ATP12A: variants seen among roughly 807,000 people sequenced by gnomAD.
ATP12A encodes the protein potassium-transporting ATPase alpha chain 2.
A neutral mutation model predicts 111.2 loss-of-function variants in ATP12A; 81 were observed. The ratio of observed to expected loss-of-function variants is 0.73; its 90% CI spans 0.61 to 0.88. The LOEUF (loss-of-function observed/expected upper bound fraction) is 0.88. Among genes scored for constraint, ATP12A ranks in the 40% least tolerant of loss-of-function variants. The pLI is 0.00. For synonymous variants in ATP12A, 498 were observed against 499.8 expected (o/e 1.00, Z 0.05); for missense variants, 1,196 against 1,313.1 (o/e 0.91, Z 1.38).
At chr13:24,698,532 A>G (rs1248251465) in intron 11 of ATP12A, 126 bp from the exon 12 acceptor site, 2 of 1,106,232 alleles carry the variant, frequency 1.8e-6, no homozygotes, top group Admixed American at 2.7e-5. Flanking sequence ...CCACAGAAAG[A>G]AAAAGGGCGG....
chr13:24,683,706 A>C (rs1874566250), intron 2 of ATP12A, among the ~76,000 whole-genome samples: 2 of 152,226 alleles, frequency 1.3e-5, no homozygotes, highest in South Asian at 4.1e-4. Flanking sequence ...TGAAAAACAT[A>C]AGATTTTTTT....
Position 24,691,084 on chromosome 13 carries a change from T to A in ATP12A, c.902T>A (p.Ile301Asn), listed in dbSNP as rs777746003. ...GVGNEKTPIA[I>N]EIEHFVHIVA... ...GGAAATGAGAAGACGCCCATTGCCA[T>A]TGAGATCGAGCACTTTGTTCACATT... Residue 301 changes from isoleucine to asparagine, a missense_variant, in exon 8 of 23, where the codon ATT becomes AAT. Coordinates refer to ENST00000381946, the MANE Select transcript of ATP12A (RefSeq NM_001676.7). The A allele has an allele frequency of 6.2e-7, 1 of 1,614,244 alleles. No homozygotes were observed. The highest frequency in any genetic ancestry group is 8.5e-7 in the Non-Finnish European group (1 of 1,180,048).
intron 2 of ATP12A, among the ~76,000 whole-genome samples, chr13:24,683,586 C>A (rs77775634): frequency 0.19 from 28,111 of 150,982 alleles, 3,259 homozygotes; most frequent in African/African-American, 0.33. Context: ...TAACAGTATA[C>A]CACTGGGCAT....
At position 24,710,637 on chromosome 13, in the gene ATP12A, G is replaced by A. The variant is rs112579370; in HGVS notation, c.2897+44G>A. 1,051 of 1,612,552 alleles carry A rather than the reference G, an allele frequency of 6.5e-4. 11 individuals carry two copies. The African/African-American group carries it at 0.013, about 19-fold the overall frequency. On this transcript the variant is annotated intron_variant, in intron 20 of 22. Transcript: ENST00000381946. ...CTCCTGGGGCAGCCCTGGGCCTGCC[G>A]TGCAAGGATGATGATGATTTGTTTT...
At chr13:24,682,134 GTGTATA>G (rs1874487792) in intron 2 of ATP12A, among the ~76,000 whole-genome samples, 4 of 114,954 alleles carry the variant, frequency 3.5e-5, no homozygotes, top group African/African-American at 1.4e-4. Flanking sequence ...TGTGTGTGGT[GTGTATA>G]TGTGTGTGGT....
In ATP12A at chr13:24,706,317, G is replaced by A. The variant is rs1423741937; in HGVS notation, c.2023G>A (p.Ala675Thr). Reference sequence around the variant, plus strand: ...AGTTTCTTCTGGCCCTTCTAGGGATGCCAAGGCCGCTGTGGTGACTGGCAT... The same window carrying A: ...AGTTTCTTCTGGCCCTTCTAGGGATACCAAGGCCGCTGTGGTGACTGGCAT... ...IAVEQVNKRD[A>T]KAAVVTGMEL... Residue 675 changes from alanine to threonine, a missense_variant, in exon 15 of 23, where the codon GCC becomes ACC. This residue lies in a region of ATP12A where 1,126 missense variants were observed against 1,228.5 expected (regional missense o/e 0.92). Transcript: ENST00000381946. 6.2e-7 allele frequency: 1 copy of A among 1,613,808 alleles called. No individual in the cohort carries two copies. Among genetic ancestry groups the A allele is most frequent in the African/African-American group, 1.3e-5 (1 of 74,948 alleles).
intron 11 of ATP12A, among the ~76,000 whole-genome samples, chr13:24,697,984 C>T (rs187219193): frequency 6.6e-6 from 1 of 152,222 alleles, no homozygotes; most frequent in African/African-American, 2.4e-5. Flanking sequence ...TAGAAGAGTA[C>T]CTGGCTTATC....
At chr13:24,681,863 CGTGGTGTGTCTGT>C (rs1874449390) in intron 2 of ATP12A, 143 bp downstream of exon 2, 5 of 1,101,228 alleles carry the variant, frequency 4.5e-6, no homozygotes, top group Non-Finnish European at 5.2e-6. Context: ...GTGGTGTCTG[CGTGGTGTGTCTGT>C]GTGGTGTGTG....
intron 2 of ATP12A, among the ~76,000 whole-genome samples, chr13:24,682,151 GTGTGTGTGGTGTGTGTA>G (rs369202804): frequency 0.031 from 3,692 of 117,524 alleles, 252 homozygotes; most frequent in African/African-American, 0.11. Context: ...TGTGTGTGGT[GTGTGTGTGGTGTGTGTA>G]TGTGTGTGGT....
In ATP12A at chr13:24,711,573, C is replaced by T; in HGVS notation, c.*51C>T. The T allele has an allele frequency of 6.2e-7, 1 of 1,610,056 alleles. No individual in the cohort carries two copies. Among genetic ancestry groups the T allele is most frequent in the African/African-American group, 1.3e-5 (1 of 74,948 alleles). Reference sequence around the variant, plus strand: ...AGCAGCACGTTGGGGCACACTTGTTCATCTTCTGACCGTTTGCTGGGCTAT... The same window carrying T: ...AGCAGCACGTTGGGGCACACTTGTTTATCTTCTGACCGTTTGCTGGGCTAT... On this transcript the variant is annotated 3_prime_UTR_variant, in exon 23 of 23. Transcript: ENST00000381946.
rs146443073 is a variant in ATP12A at position 24,710,501 on chromosome 13, G to A, written c.2805G>A (p.Thr935=). The change falls in exon 20 of 23, where the codon ACG becomes ACA. Residue 935 remains threonine, a synonymous_variant. Transcript: ENST00000381946. ...AATACCTAGAATGGACGGGCTACAC[G>A]GCTTTCTTTGTTGGCATCCTAGTCC... ...QREYLEWTGY[T]AFFVGILVQQ... is the part of the protein sequence containing the mutation. 2.0e-5 allele frequency: 33 copies of A among 1,614,052 alleles called. 1 individual carries two copies. Among genetic ancestry groups the A allele is most frequent in the African/African-American group, 6.7e-5 (5 of 74,930 alleles).
Position 24,709,770 on chromosome 13 carries a change from G to A in ATP12A, c.2705G>A (p.Arg902Gln), listed in dbSNP as rs367898749. ...GFLPRTLINL[R>Q]VEWEKDYVND... ...CTGCCCCGCACTCTCATTAACCTGCGGGTAGAATGGGAGAAGGACTACGTG... is the reference window on the plus strand; with the variant it reads ...CTGCCCCGCACTCTCATTAACCTGCAGGTAGAATGGGAGAAGGACTACGTG... The change falls in exon 19 of 23, where the codon CGG becomes CAG. Residue 902 changes from arginine to glutamine, a missense_variant. Arg to Gln is a conservative substitution (Grantham distance 43). Around this residue, in one of 3 missense-constraint regions of ATP12A, gnomAD observed 1,126 missense variants for 1,228.5 expected, o/e 0.92. Transcript: ENST00000381946. 9.9e-6 allele frequency: 16 copies of A among 1,614,092 alleles called. No homozygotes were observed. Among genetic ancestry groups the A allele is most frequent in the African/African-American group, 8.0e-5 (6 of 74,932 alleles).
In ATP12A at chr13:24,709,483, C is replaced by T. The variant is rs1008546815; in HGVS notation, c.2613C>T (p.His871=). Residue 871 remains histidine, a synonymous_variant, in exon 18 of 23, where the codon CAC becomes CAT. Coordinates refer to ENST00000381946, the MANE Select transcript of ATP12A (RefSeq NM_001676.7). ...CGCTCGCTGTGTACTCATACCTGCA[C>T]ATTGGTACGATGAGGGCGCGTCTTC... ...NQPLAVYSYL[H]IGLMQALGAF... 3.7e-6 allele frequency: 6 copies of T among 1,613,614 alleles called. No homozygotes were observed. The highest frequency in any genetic ancestry group is 1.3e-5 in the African/African-American group (1 of 74,884).
Position 24,711,858 on chromosome 13 carries a change from G to T in ATP12A, c.*336G>T, listed in dbSNP as rs1052637606. ...GTAACCCAGGCATCTACTGGGGCCT[G>T]CCTTAAGCTCTAGCTAGGATTGCTC... On this transcript the variant is annotated 3_prime_UTR_variant, in exon 23 of 23. Coordinates refer to ENST00000381946, the MANE Select transcript of ATP12A (RefSeq NM_001676.7). The T allele has an allele frequency of 1.6e-5, 6 of 377,078 alleles. No homozygotes were observed. The highest frequency in any genetic ancestry group is 1.0e-4 in the African/African-American group (5 of 48,284). 23.4% of individuals were successfully genotyped at this position (377,078 alleles called of 1,614,324 possible). A position where few individuals can be genotyped will look rare whatever the true frequency, so the allele number is the denominator to read the frequency against.
rs749309345 is a variant in ATP12A, at chr13:24,700,883, G to A, written c.1842G>A (p.Val614=). ...LSMIDPPRST[V]PDAVTKCRSA... ...TGATCGATCCCCCTCGGTCCACCGT[G>A]CCAGATGCAGTCACCAAATGCCGGA... The change falls in exon 13 of 23, where the codon GTG becomes GTA. Residue 614 remains valine, a synonymous_variant. Coordinates refer to ENST00000381946, the MANE Select transcript of ATP12A (RefSeq NM_001676.7). 1.2e-6 allele frequency: 2 copies of A among 1,614,186 alleles called. No homozygotes were observed. The highest frequency in any genetic ancestry group is 1.7e-6 in the Non-Finnish European group (2 of 1,180,030).
chr13:24,700,506 C>A (rs952483552), intron 12 of ATP12A, among the ~76,000 whole-genome samples: 1 of 152,098 alleles, frequency 6.6e-6, no homozygotes, highest in Non-Finnish European at 1.5e-5. Flanking sequence ...TAGAACTTGG[C>A]AATATAGCAA....
chr13:24,690,280 G>C, intron 5 of ATP12A, 58 bp from the exon 6 acceptor site: 4 of 1,596,516 alleles, frequency 2.5e-6, no homozygotes, highest in Non-Finnish European at 3.4e-6. Context: ...GCACAGACTT[G>C]GGGGAGGGCC....
chr13:24,704,071 C>T lies in ATP12A; in HGVS notation c.2018+2000C>T, dbSNP rs563230537. 5.3e-5 allele frequency among the ~76,000 whole-genome samples: 8 copies of T among 151,944 alleles called. No individual in the cohort carries two copies. In the South Asian group the frequency reaches 1.7e-3, roughly 32 times the overall value. On this transcript the variant is annotated intron_variant, in intron 14 of 22. Transcript: ENST00000381946. Reference sequence around the variant, plus strand: ...AGTGTGGAGTGCAGTGGTGAAATCTCATTGCAGCCTCCACCTCCTGGGTTC... The same window carrying T: ...AGTGTGGAGTGCAGTGGTGAAATCTTATTGCAGCCTCCACCTCCTGGGTTC...
In ATP12A at chr13:24,692,647, C is replaced by T. The variant is rs376832286; in HGVS notation, c.1267+20C>T. 20 of 1,606,342 alleles carry T rather than the reference C, an allele frequency of 1.2e-5. No individual in the cohort carries two copies. The East Asian group carries it at 1.3e-4, about 11-fold the overall frequency. ...ATTCAAGTAAGTCTTATGGAGAGCTCGGTCTGGCCAAAGCTGTGGACTCCA... is the reference window on the plus strand; with the variant it reads ...ATTCAAGTAAGTCTTATGGAGAGCTTGGTCTGGCCAAAGCTGTGGACTCCA... On this transcript the variant is annotated intron_variant, in intron 9 of 22. Transcript: ENST00000381946.
Sources: allele counts gnomAD v4.1 joint callset (sites outside exome capture counted in the v4.1 genomes callset), GRCh38; gene constraint gnomAD v4.1.1; regional missense constraint gnomAD v4.1.1; transcripts MANE v1.5; gene names NCBI Gene and HGNC (gene_info 2026-07-23, HGNC 2026-07-21).